Variants in PRL observed in about 807,000 individuals in gnomAD.
PRL encodes the protein prolactin, also known as decidual prolactin.
In PRL, 24 loss-of-function variants were observed where a neutral mutation model predicts 21.3. The ratio of observed to expected loss-of-function variants is 1.13; its 90% confidence interval spans 0.82 to 1.59. The LOEUF is 1.59. PRL is among the 40% of genes most tolerant of loss of function. The probability of loss-of-function intolerance (pLI) is 0.00; values close to 1 mark genes in which losing one functional copy is unlikely to be tolerated. For missense variants in PRL, 243 were observed against 286.9 expected (o/e 0.85, Z 1.10); for synonymous variants, 118 against 115.7 (o/e 1.02, Z -0.13).
At chr6:22,289,732 G>A (rs1349734060) in intron 4 of PRL, among the ~76,000 whole-genome samples, 2 of 152,160 alleles carry the variant, frequency 1.3e-5, no homozygotes, top group Non-Finnish European at 2.9e-5. Flanking sequence ...ATCGGGGTGA[G>A]TGGCTGAGGG....
upstream of PRL, among the ~76,000 whole-genome samples, chr6:22,299,486 G>A (rs1761243651): frequency 6.6e-6 from 1 of 152,152 alleles, no homozygotes. Context: ...TTGTTTATCT[G>A]TTTTTAAGTT....
At chr6:22,292,814 C>T (rs908956595) in intron 2 of PRL, among the ~76,000 whole-genome samples, 169 bp from the exon 3 acceptor site, 2 of 152,122 alleles carry the variant, frequency 1.3e-5, no homozygotes, top group Admixed American at 6.5e-5. Flanking sequence ...CCTACTTCCC[C>T]CCCATTATCT....
At chr6:22,295,422 T>C (rs1761153916) in intron 1 of PRL, among the ~76,000 whole-genome samples, 1 of 152,158 alleles carries the variant, frequency 6.6e-6, no homozygotes, top group South Asian at 2.1e-4. Flanking sequence ...TGCATCTGTG[T>C]AATGGGGGCC....
At chr6:22,295,098 C>G (rs1761147371) in intron 1 of PRL, among the ~76,000 whole-genome samples, 1 of 152,196 alleles carries the variant, frequency 6.6e-6, no homozygotes, top group Non-Finnish European at 1.5e-5. Context: ...ATTGCTAATA[C>G]TGAGTTTGAA....
chr6:22,296,863 C>A (rs539869200), intron 1 of PRL, 92 bp downstream of exon 1: 15 of 1,391,874 alleles, frequency 1.1e-5, no homozygotes, highest in Non-Finnish European at 1.5e-5. Context: ...ACCTTGTAAA[C>A]CTGCAAGCTC....
At chr6:22,295,594 G>GAAAA (rs755649364) in intron 1 of PRL, among the ~76,000 whole-genome samples, 6 of 152,122 alleles carry the variant, frequency 3.9e-5, no homozygotes, top group African/African-American at 7.2e-5. Context: ...TCTGATCTTT[G>GAAAA]CTGAAGGTTT....
chr6:22,289,981 C>G (rs1761010890), intron 4 of PRL, among the ~76,000 whole-genome samples, 193 bp downstream of exon 4: 1 of 151,904 alleles, frequency 6.6e-6, no homozygotes, highest in Admixed American at 6.6e-5. Context: ...TGACACCTGT[C>G]AAACAGCATT....
upstream of PRL, among the ~76,000 whole-genome samples, chr6:22,298,064 C>T (rs1202520107): frequency 6.6e-6 from 1 of 152,192 alleles, no homozygotes; most frequent in African/African-American, 2.4e-5. Flanking sequence ...AGGGCAAACA[C>T]ACATGTGTGT....
At chr6:22,297,099 C>T (rs1263693049), upstream of PRL, 11 of 1,045,964 alleles carry the variant, frequency 1.1e-5, no homozygotes, top group Admixed American at 2.0e-4. Flanking sequence ...TATAATGAAT[C>T]AGGCATTCGT....
chr6:22,297,301 G>A, upstream of PRL: 1 of 363,694 alleles, frequency 2.7e-6, no homozygotes, highest in East Asian at 4.9e-5. Context: ...AGACTAGATT[G>A]GTTTGGAGGA....
chr6:22,294,563 A>C lies in PRL; in HGVS notation c.50T>G (p.Val17Gly). 6.2e-7 allele frequency: 1 copy of C among 1,607,104 alleles called. No homozygotes were observed. Among genetic ancestry groups the C allele is most frequent in the Non-Finnish European group, 8.5e-7 (1 of 1,176,764 alleles). ...PWKGSLLLLL[V>G]SNLLLCQSVA... ...GCTCTGGCACAGGAGCAGGTTTGACACCAGCAGCAGCAGGAGGGACCCTGC... is the reference window on the plus strand; with the variant it reads ...GCTCTGGCACAGGAGCAGGTTTGACCCCAGCAGCAGCAGGAGGGACCCTGC... Residue 17 changes from valine (V) to glycine (G), a missense_variant, in exon 2 of 5, where the codon GTG becomes GGG. Coordinates refer to ENST00000306482, the MANE Select transcript of PRL (RefSeq NM_000948.6).
chr6:22,296,740 C>A (rs1462643505), intron 1 of PRL, among the ~76,000 whole-genome samples: 1 of 152,182 alleles, frequency 6.6e-6, no homozygotes, highest in Non-Finnish European at 1.5e-5. Flanking sequence ...AAACATCTCC[C>A]GACATTGCCA....
intron 4 of PRL, among the ~76,000 whole-genome samples, chr6:22,289,781 C>T (rs1360485434): frequency 6.6e-6 from 1 of 152,128 alleles, no homozygotes; most frequent in Non-Finnish European, 1.5e-5. Flanking sequence ...TTTCTCCCTT[C>T]CCACTCTCAT....
At chr6:22,296,069 T>C (rs1365457926) in intron 1 of PRL, among the ~76,000 whole-genome samples, 1 of 152,246 alleles carries the variant, frequency 6.6e-6, no homozygotes, top group Non-Finnish European at 1.5e-5. Context: ...GTATATTTTA[T>C]CTGTATGTGT....
At chr6:22,295,025 A>G (rs1369293225) in intron 1 of PRL, among the ~76,000 whole-genome samples, 1 of 152,152 alleles carries the variant, frequency 6.6e-6, no homozygotes, top group African/African-American at 2.4e-5. Context: ...TATAACAAAA[A>G]CAGTACAGTC....
At chr6:22,292,477 CATG>C in intron 3 of PRL, 58 bp downstream of exon 3, 2 of 1,471,082 alleles carry the variant, frequency 1.4e-6, no homozygotes, top group South Asian at 1.1e-5. Context: ...CACCTATCAC[CATG>C]ATAATACCCA....
chr6:22,289,535 T>A (rs1761003429), intron 4 of PRL, among the ~76,000 whole-genome samples: 1 of 152,188 alleles, frequency 6.6e-6, no homozygotes, highest in Non-Finnish European at 1.5e-5. Context: ...AAAACAAAAT[T>A]TAGAATGAGA....
intron 2 of PRL, among the ~76,000 whole-genome samples, chr6:22,292,882 A>C (rs1411267695): frequency 6.6e-6 from 1 of 152,150 alleles, no homozygotes. Flanking sequence ...CCTTCTTTGC[A>C]ATTCCCTTGT....
chr6:22,299,582 T>C (rs777068651), upstream of PRL, among the ~76,000 whole-genome samples: 16 of 152,344 alleles, frequency 1.1e-4, no homozygotes, highest in Non-Finnish European at 2.1e-4. Context: ...GGCTCACGCC[T>C]GTAATCCCAG....
Sources: allele counts gnomAD v4.1 joint callset (sites outside exome capture counted in the v4.1 genomes callset), GRCh38; gene constraint gnomAD v4.1.1; transcripts MANE v1.5; gene names NCBI Gene and HGNC (gene_info 2026-07-23, HGNC 2026-07-21).